Variants in GPR149 observed in about 807,000 individuals in gnomAD.
GPR149 encodes probable G protein-coupled receptor 149.
A neutral mutation model predicts 50.2 loss-of-function variants in GPR149; 50 were observed. The observed-to-expected ratio is 1.00, with a 90% CI of 0.79 to 1.26. The LOEUF (loss-of-function observed/expected upper bound fraction) is 1.26. GPR149 is among the 50% of genes most tolerant of loss of function. The pLI, the probability that GPR149 is intolerant of heterozygous loss-of-function variation, is 0.00. For synonymous variants in GPR149, 405 were observed against 358.2 expected (o/e 1.13, Z -1.48); for missense variants, 983 against 895.4 (o/e 1.10, Z -1.25).
Position 154,337,967 on chromosome 3 carries a change from G to C in GPR149, c.1928C>G (p.Ser643Cys). The change falls in exon 4 of 4, where the codon TCC (serine) becomes TGC (cysteine). Residue 643 changes from serine (S) to cysteine (C), a missense_variant. Transcript: ENST00000389740. ...GGATGGAGATCTGACTTGTGTGGAG[G>C]ACTGACTGATGTTACTAATGATTGA... Reference protein sequence around the residue: ...TVSIISNISQSSTQVRSPSLR... With the variant: ...TVSIISNISQCSTQVRSPSLR... 3.7e-6 allele frequency: 6 copies of C among 1,614,026 alleles called. No homozygotes were observed. The highest frequency in any genetic ancestry group is 4.2e-6 in the Non-Finnish European group (5 of 1,179,960).
At chr3:154,428,483 T>C (rs1712371767) in intron 1 of GPR149, 152 bp downstream of exon 1, 2 of 842,980 alleles carry the variant, frequency 2.4e-6, no homozygotes, top group East Asian at 2.5e-5. Flanking sequence ...TGCCTTCTTC[T>C]AAGTGCATGT....
intron 3 of GPR149, among the ~76,000 whole-genome samples, chr3:154,340,617 A>G (rs190981940): frequency 6.6e-6 from 1 of 152,374 alleles, no homozygotes; most frequent in Admixed American, 6.5e-5. Flanking sequence ...AGAGATAGTT[A>G]CCAAGTTCTA....
At chr3:154,393,521 A>C in intron 3 of GPR149, among the ~76,000 whole-genome samples, 1 of 152,048 alleles carries the variant, frequency 6.6e-6, no homozygotes, top group African/African-American at 2.4e-5. Flanking sequence ...ACCAGGAACA[A>C]GGCAAGGATG....
At chr3:154,349,275 A>G (rs1714009206) in intron 3 of GPR149, among the ~76,000 whole-genome samples, 1 of 152,228 alleles carries the variant, frequency 6.6e-6, no homozygotes. Context: ...TATCAATGAC[A>G]TTGAAAACAG....
At chr3:154,425,152 T>A (rs1712259576) in intron 2 of GPR149, among the ~76,000 whole-genome samples, 1 of 152,094 alleles carries the variant, frequency 6.6e-6, no homozygotes, top group Admixed American at 6.6e-5. Flanking sequence ...CTGCAAATTA[T>A]TTTCCACTGC....
At chr3:154,375,590 A>C (rs1172821421) in intron 3 of GPR149, among the ~76,000 whole-genome samples, 1 of 152,216 alleles carries the variant, frequency 6.6e-6, no homozygotes, top group African/African-American at 2.4e-5. Flanking sequence ...CAGTCTTATC[A>C]AACATTTTAA....
Position 154,421,152 on chromosome 3 carries a change from C to T in GPR149, c.1510G>A (p.Glu504Lys), listed in dbSNP as rs1159407846. Residue 504 changes from glutamate to lysine, a missense_variant, in exon 3 of 4, where the codon GAA (glutamate) becomes AAA (lysine). By Grantham distance (56) the Glu-to-Lys change is moderately conservative (BLOSUM62 1). Coordinates refer to ENST00000389740, the MANE Select transcript of GPR149 (RefSeq NM_001038705.3). ...DKTGGDINYE[E>K]TTFSEGPERR... is the part of the protein sequence containing the mutation. Reference sequence around the variant, plus strand: ...TCTGGCCCTTCAGAAAAGGTAGTTTCTTCATAGTTAATATCACCTCCTGTT... The same window carrying T: ...TCTGGCCCTTCAGAAAAGGTAGTTTTTTCATAGTTAATATCACCTCCTGTT... 3.7e-6 allele frequency: 6 copies of T among 1,613,428 alleles called. No individual in the cohort carries two copies. The highest frequency in any genetic ancestry group is 1.7e-5 in the Admixed American group (1 of 59,902).
Position 154,429,864 on chromosome 3 carries a change from T to C in GPR149, c.-249A>G, listed in dbSNP as rs946901224. ...AACAGATAACTTTTCAACATTCCAATTAAAAACAAAGCAAAAACTCCTTCC... is the reference window on the plus strand; with the variant it reads ...AACAGATAACTTTTCAACATTCCAACTAAAAACAAAGCAAAAACTCCTTCC... On this transcript the variant is annotated 5_prime_UTR_variant, in exon 1 of 4. Transcript: ENST00000389740. 2 of 375,684 alleles carry C rather than the reference T, an allele frequency of 5.3e-6. No individual in the cohort carries two copies. The highest frequency in any genetic ancestry group is 9.4e-6 in the Non-Finnish European group (2 of 213,194). The allele number at this position is 375,684 out of a possible 1,614,324, so 23.3% of individuals were successfully genotyped here.
At chr3:154,407,930 C>T (rs1264845787) in intron 3 of GPR149, among the ~76,000 whole-genome samples, 1 of 151,914 alleles carries the variant, frequency 6.6e-6, no homozygotes, top group East Asian at 1.9e-4. Flanking sequence ...GTCAGAAAGT[C>T]AGAAAATGCT....
chr3:154,407,365 G>A (rs1308263501), intron 3 of GPR149, among the ~76,000 whole-genome samples: 1 of 150,992 alleles, frequency 6.6e-6, no homozygotes, highest in East Asian at 1.9e-4. Flanking sequence ...TAAGCTAAAG[G>A]TAATAACCAT....
intron 3 of GPR149, among the ~76,000 whole-genome samples, chr3:154,355,475 A>G (rs1411832860): frequency 6.6e-6 from 1 of 152,222 alleles, no homozygotes; most frequent in Middle Eastern, 3.2e-3. Flanking sequence ...TGGGATTATT[A>G]GACAGGGTTT....
At chr3:154,396,362 T>G (rs1171910156) in intron 3 of GPR149, among the ~76,000 whole-genome samples, 2 of 152,188 alleles carry the variant, frequency 1.3e-5, no homozygotes, top group East Asian at 1.9e-4. Flanking sequence ...TATATCTGTT[T>G]AAAATACATT....
Position 154,429,533 on chromosome 3 carries a change from G to A in GPR149, c.83C>T (p.Pro28Leu), listed in dbSNP as rs1712426193. 2 of 1,614,050 alleles carry A rather than the reference G, an allele frequency of 1.2e-6. No individual in the cohort carries two copies. The highest frequency in any genetic ancestry group is 2.7e-5 in the African/African-American group (2 of 75,028). Residue 28 changes from proline (P) to leucine (L), a missense_variant, in exon 1 of 4, where the codon CCG (proline) becomes CTG (leucine). By Grantham distance (98) the Pro-to-Leu change is moderately conservative (BLOSUM62 -3). Coordinates refer to ENST00000389740, the MANE Select transcript of GPR149 (RefSeq NM_001038705.3). ...AAGATAGATATTCAGGGTTCCTGGCGGATTTAAAAGGTCCGTAGAATTATG... is the reference window on the plus strand; with the variant it reads ...AAGATAGATATTCAGGGTTCCTGGCAGATTTAAAAGGTCCGTAGAATTATG... Reference protein sequence around the residue: ...ENHNSTDLLNPPGTLNIYLFC... With the variant: ...ENHNSTDLLNLPGTLNIYLFC...
intron 3 of GPR149, among the ~76,000 whole-genome samples, chr3:154,359,720 G>T (rs1219686862): frequency 6.6e-6 from 1 of 152,056 alleles, no homozygotes; most frequent in Non-Finnish European, 1.5e-5. Flanking sequence ...TTCTTCTCCA[G>T]CTTTCTCCAC....
At chr3:154,353,787 T>C in intron 3 of GPR149, 1 of 718,720 alleles carries the variant, frequency 1.4e-6, no homozygotes, top group Admixed American at 2.0e-5. Flanking sequence ...TTCCTGTTCC[T>C]GTCCATGCTC....
In GPR149 at chr3:154,421,103, C is replaced by G; in HGVS notation, c.1559G>C (p.Ser520Thr). 6.2e-7 allele frequency: 1 copy of G among 1,613,200 alleles called. No homozygotes were observed. Among genetic ancestry groups the G allele is most frequent in the African/African-American group, 1.3e-5 (1 of 74,978 alleles). Residue 520 changes from serine to threonine, a missense_variant, in exon 3 of 4, where the codon AGT becomes ACT. Coordinates refer to ENST00000389740, the MANE Select transcript of GPR149 (RefSeq NM_001038705.3). ...CCAGTCTGAAAGATCTGGTTTCTGACTCTCTTCATGAGACAGTCTTCTTTC... is the reference window on the plus strand; with the variant it reads ...CCAGTCTGAAAGATCTGGTTTCTGAGTCTCTTCATGAGACAGTCTTCTTTC... ...GPERRLSHEE[S>T]QKPDLSDWEW...
At chr3:154,398,509 T>C (rs549565377) in intron 3 of GPR149, among the ~76,000 whole-genome samples, 1 of 152,310 alleles carries the variant, frequency 6.6e-6, no homozygotes, top group Non-Finnish European at 1.5e-5. Context: ...TGGTTATTTC[T>C]ATTTGCATCT....
In GPR149 at chr3:154,334,955, G is replaced by A. The variant is rs1316078847; in HGVS notation, c.*2744C>T. Reference sequence around the variant, plus strand: ...AAGCTTCCAAAAAATGCATAACTAAGACTCTTTTATTATATTTTTAAGTAA... The same window carrying A: ...AAGCTTCCAAAAAATGCATAACTAAAACTCTTTTATTATATTTTTAAGTAA... On this transcript the variant is annotated 3_prime_UTR_variant, in exon 4 of 4. Coordinates refer to ENST00000389740, the MANE Select transcript of GPR149 (RefSeq NM_001038705.3). 1.3e-5 allele frequency: 2 copies of A among 152,014 alleles called. No individual in the cohort carries two copies. The highest frequency in any genetic ancestry group is 2.9e-5 in the Non-Finnish European group (2 of 67,986). The allele number at this position is 152,014 out of a possible 1,614,324, so 9.4% of individuals were successfully genotyped here.
chr3:154,383,938 C>T (rs144748925), intron 3 of GPR149, among the ~76,000 whole-genome samples: 4 of 152,192 alleles, frequency 2.6e-5, no homozygotes, highest in African/African-American at 7.2e-5. Flanking sequence ...TACCAGACAC[C>T]GACTTTGCCA....
Sources: allele counts gnomAD v4.1 joint callset (sites outside exome capture counted in the v4.1 genomes callset), GRCh38; gene constraint gnomAD v4.1.1; transcripts MANE v1.5; gene names NCBI Gene and HGNC (gene_info 2026-07-23, HGNC 2026-07-21).